STK38L: variants seen among roughly 807,000 people sequenced by gnomAD.
The protein encoded by STK38L is serine/threonine kinase 38 like.
Under a neutral mutation model 59.7 loss-of-function variants are expected in STK38L, and 28 were observed. The observed-to-expected ratio is 0.47, with a 90% CI of 0.35 to 0.64. The LOEUF (loss-of-function observed/expected upper bound fraction) is 0.64. Among genes scored for constraint, STK38L ranks in the 30% least tolerant of loss-of-function variants. The pLI, the probability that STK38L is intolerant of heterozygous loss-of-function variation, is 0.01. For missense variants in STK38L, 314 were observed against 555.8 expected, an observed-to-expected ratio of 0.56 and a Z score of 4.37; for synonymous variants, 162 against 176.8, an observed-to-expected ratio of 0.92 and a Z score of 0.66.
intron 1 of STK38L, among the ~76,000 whole-genome samples, chr12:27,286,974 T>C (rs1017068626): frequency 1.3e-5 from 2 of 152,262 alleles, no homozygotes. Context: ...CTGTTTATTA[T>C]CAAACAGTGT....
chr12:27,256,373 A>T (rs566134036), intron 1 of STK38L, among the ~76,000 whole-genome samples: 4 of 152,058 alleles, frequency 2.6e-5, no homozygotes, highest in Non-Finnish European at 5.9e-5. Flanking sequence ...CTCTCCAACC[A>T]CACTGAACCA....
chr12:27,276,033 C>T (rs1223813709), intron 1 of STK38L, among the ~76,000 whole-genome samples: 2 of 152,050 alleles, frequency 1.3e-5, no homozygotes, highest in Non-Finnish European at 2.9e-5. Flanking sequence ...GAAATGTGTA[C>T]AAGACTTAAT....
In STK38L at chr12:27,269,765, C is replaced by T. The variant is rs531832818; in HGVS notation, c.-12+25433C>T. ...TCAAGTGATTCTCCTGCCTCAGCTT[C>T]CCGAGTAGCTGGGATTACAGGCACC... is the stretch of plus-strand genomic sequence containing the variant. On this transcript the variant is annotated intron_variant, in intron 1 of 13. Transcript: ENST00000389032. Among the ~76,000 whole-genome samples the T allele has an allele frequency of 9.2e-5, 14 of 152,240 alleles. No individual in the cohort carries two copies. In the East Asian group the frequency reaches 2.7e-3, roughly 29 times the overall value.
At chr12:27,288,171 G>T (rs904455789) in intron 1 of STK38L, among the ~76,000 whole-genome samples, 3 of 152,024 alleles carry the variant, frequency 2.0e-5, no homozygotes, top group Non-Finnish European at 4.4e-5. Context: ...GAGCCACTGC[G>T]CCCAGCCAAG....
chr12:27,261,396 A>T (rs1943201520), intron 1 of STK38L, among the ~76,000 whole-genome samples: 1 of 152,166 alleles, frequency 6.6e-6, no homozygotes, highest in Admixed American at 6.5e-5. Context: ...GTATCATATT[A>T]ACTTATTTGT....
intron 1 of STK38L, among the ~76,000 whole-genome samples, chr12:27,252,010 C>T (rs530292645): frequency 6.6e-5 from 10 of 152,056 alleles, no homozygotes; most frequent in South Asian, 2.1e-4. Context: ...GACGGAGTCT[C>T]GCTGTGTCAC....
rs1944539379 is a variant in STK38L at position 27,314,574 on chromosome 12, G to A, written c.588G>A (p.Glu196=). ...AGGAAACACAGTTCTACATTTCAGA[G>A]ACTGTTCTGGCAATAGATGCGATCC... is the stretch of plus-strand genomic sequence containing the variant. ...TEEETQFYIS[E]TVLAIDAIHQ... Residue 196 remains glutamate, a synonymous_variant, in exon 7 of 14, where the codon GAG becomes GAA. Transcript: ENST00000389032. 2 of 1,610,304 alleles carry A rather than the reference G, an allele frequency of 1.2e-6. No individual in the cohort carries two copies. The highest frequency in any genetic ancestry group is 2.2e-5 in the South Asian group (2 of 90,454).
chr12:27,302,234 C>T (rs148664260), intron 3 of STK38L, 46 bp downstream of exon 3: 1 of 1,401,114 alleles, frequency 7.1e-7, no homozygotes, highest in Non-Finnish European at 9.7e-7. Flanking sequence ...CCCCCAGTGA[C>T]TTTTCATTCA....
intron 1 of STK38L, among the ~76,000 whole-genome samples, chr12:27,250,649 A>T (rs1397819158): frequency 6.6e-6 from 1 of 152,078 alleles, no homozygotes; most frequent in African/African-American, 2.4e-5. Flanking sequence ...TGGAGCTTAG[A>T]GAGGTGAAGT....
chr12:27,266,305 C>T (rs1943299964), intron 1 of STK38L, among the ~76,000 whole-genome samples: 1 of 152,054 alleles, frequency 6.6e-6, no homozygotes, highest in Admixed American at 6.6e-5. Flanking sequence ...TTCCCTGTGC[C>T]TGGGGAAAAC....
At chr12:27,316,897 G>A (rs561624862) in intron 9 of STK38L, among the ~76,000 whole-genome samples, 1 of 152,134 alleles carries the variant, frequency 6.6e-6, no homozygotes, top group African/African-American at 2.4e-5. Flanking sequence ...CAGAGAAATT[G>A]AATAATTTGC....
intron 1 of STK38L, chr12:27,245,753 T>C (rs1444134222): frequency 6.6e-6 from 1 of 152,088 alleles, no homozygotes; most frequent in Non-Finnish European, 1.5e-5. Context: ...TTTTATTGCA[T>C]AAGTTCATCA....
At chr12:27,293,827 T>G (rs1438157853) in intron 1 of STK38L, 1 of 152,258 alleles carries the variant, frequency 6.6e-6, no homozygotes, top group Non-Finnish European at 1.5e-5. Context: ...CCATTCACTT[T>G]TTGAAAGGAA....
intron 1 of STK38L, 47 bp from the exon 2 acceptor site, chr12:27,297,663 G>C (rs11615928): frequency 0.057 from 88,719 of 1,560,314 alleles, 2,821 homozygotes; most frequent in Middle Eastern, 0.12. Flanking sequence ...ATAAAAGATA[G>C]GGGTTTTTTT....
intron 1 of STK38L, among the ~76,000 whole-genome samples, chr12:27,265,245 A>T (rs1008991627): frequency 3.3e-5 from 5 of 152,184 alleles, no homozygotes; most frequent in Non-Finnish European, 4.4e-5. Context: ...TTTCTTATGC[A>T]TATAAAGGGA....
chr12:27,283,311 T>C (rs900241635), intron 1 of STK38L, among the ~76,000 whole-genome samples: 1 of 152,208 alleles, frequency 6.6e-6, no homozygotes, highest in African/African-American at 2.4e-5. Context: ...ACAGTTAACA[T>C]TTAATGAGTA....
In STK38L at chr12:27,255,631, C is replaced by T. The variant is rs556760984; in HGVS notation, c.-12+11299C>T. Among the ~76,000 whole-genome samples, 7 of 152,244 alleles carry T rather than the reference C, an allele frequency of 4.6e-5. No individual in the cohort carries two copies. In the South Asian group the frequency reaches 1.0e-3, roughly 23 times the overall value. ...TTTGCCTAAATATTTAAGTTCCTTGCCTAAAGACAAGGAACTTAACAGATC... is the reference window on the plus strand; with the variant it reads ...TTTGCCTAAATATTTAAGTTCCTTGTCTAAAGACAAGGAACTTAACAGATC... On this transcript the variant is annotated intron_variant, in intron 1 of 13. Coordinates refer to ENST00000389032, the MANE Select transcript of STK38L (RefSeq NM_015000.4).
rs1031134193 is a variant in STK38L, at chr12:27,308,950, T to C, written c.310-164T>C. ...TATAAAATATATATAAATATATATA[T>C]AACATATATAAAAATATATAGATAT... On this transcript the variant is annotated intron_variant, in intron 4 of 13. Transcript: ENST00000389032. The surrounding 1 kb of genome is among the most constrained non-coding windows in gnomAD (Gnocchi z 4.5). Among the ~76,000 whole-genome samples, 5 of 142,328 alleles carry C rather than the reference T, an allele frequency of 3.5e-5. No homozygotes were observed. The highest frequency in any genetic ancestry group is 1.2e-4 in the African/African-American group (5 of 40,100). 93.4% of individuals were successfully genotyped at this position (142,328 alleles called of 152,430 possible).
chr12:27,287,848 T>C (rs1404226644), intron 1 of STK38L, among the ~76,000 whole-genome samples: 1 of 152,188 alleles, frequency 6.6e-6, no homozygotes, highest in African/African-American at 2.4e-5. Context: ...TATGATTATG[T>C]TGCCTCATTC....
Sources: allele counts gnomAD v4.1 joint callset (sites outside exome capture counted in the v4.1 genomes callset), GRCh38; gene constraint gnomAD v4.1.1; non-coding constraint Gnocchi (gnomAD v3.1); transcripts MANE v1.5; gene names NCBI Gene and HGNC (gene_info 2026-07-23, HGNC 2026-07-21).